ADD2: variants seen among roughly 807,000 people sequenced by gnomAD.
The protein encoded by ADD2 is beta-adducin.
In ADD2, 23 loss-of-function variants were observed where a neutral mutation model predicts 83.0. The observed-to-expected ratio is 0.28, with a 90% CI of 0.20 to 0.39. The LOEUF (loss-of-function observed/expected upper bound fraction) is 0.39. ADD2 is among the 10% of genes least tolerant of loss of function. The pLI is 1.00. For missense variants in ADD2, 758 were observed against 944.9 expected (o/e 0.80, Z 2.59); for synonymous variants, 375 against 375.4 (o/e 1.00, Z 0.01).
chr2:70,697,739 C>T (rs1046278373), intron 4 of ADD2, among the ~76,000 whole-genome samples: 3 of 151,792 alleles, frequency 2.0e-5, no homozygotes, highest in African/African-American at 2.4e-5. Flanking sequence ...AAAGCGAGGG[C>T]GGACGATGTA....
chr2:70,745,061 C>A (rs1417792676), intron 1 of ADD2, among the ~76,000 whole-genome samples: 2 of 151,920 alleles, frequency 1.3e-5, no homozygotes, highest in African/African-American at 4.8e-5. Context: ...CCGAGGCGGG[C>A]GGATCTTGAG....
chr2:70,690,652 T>G, intron 8 of ADD2, 134 bp downstream of exon 8: 1 of 1,014,464 alleles, frequency 9.9e-7, no homozygotes. Context: ...AATCTCAGGG[T>G]AGTGGGATAG....
chr2:70,744,549 C>T (rs1425839625), intron 1 of ADD2, among the ~76,000 whole-genome samples: 1 of 152,068 alleles, frequency 6.6e-6, no homozygotes, highest in Non-Finnish European at 1.5e-5. Flanking sequence ...ATGTAAGGCT[C>T]GAAAGCTAGA....
At chr2:70,735,307 G>A (rs1011588475) in intron 1 of ADD2, among the ~76,000 whole-genome samples, 5 of 152,206 alleles carry the variant, frequency 3.3e-5, no homozygotes, top group Middle Eastern at 3.4e-3. Flanking sequence ...TAAGTGAAAA[G>A]AAAATGACTC....
chr2:70,675,764 C>A (rs1197513212), intron 13 of ADD2: 1 of 985,330 alleles, frequency 1.0e-6, no homozygotes, highest in Non-Finnish European at 1.2e-6. Context: ...TGTAGGGAAT[C>A]ATGGAGTCAA....
At chr2:70,671,264 G>C (rs782743234) in intron 15 of ADD2, among the ~76,000 whole-genome samples, 2 of 152,168 alleles carry the variant, frequency 1.3e-5, no homozygotes, top group Non-Finnish European at 2.9e-5. Context: ...GGGAGTGCCC[G>C]AGAGTTGGCC....
intron 15 of ADD2, among the ~76,000 whole-genome samples, chr2:70,669,024 G>A (rs1266951694): frequency 6.6e-6 from 1 of 152,196 alleles, no homozygotes; most frequent in Non-Finnish European, 1.5e-5. Flanking sequence ...AGAGGTCATA[G>A]AGAGATTCAT....
chr2:70,766,296 T>C (rs747549973), intron 1 of ADD2, among the ~76,000 whole-genome samples: 3 of 152,232 alleles, frequency 2.0e-5, no homozygotes, highest in Non-Finnish European at 4.4e-5. Context: ...TTGTGCCCTA[T>C]GCAGGGAGGA....
intron 1 of ADD2, among the ~76,000 whole-genome samples, chr2:70,727,480 A>T (rs1452597306): frequency 2.0e-5 from 3 of 151,992 alleles, no homozygotes; most frequent in African/African-American, 7.3e-5. Flanking sequence ...ATCTCTGTAG[A>T]TGAGTCAGGA....
intron 9 of ADD2, 139 bp from the exon 10 acceptor site, chr2:70,683,906 G>T: frequency 1.2e-6 from 1 of 833,714 alleles, no homozygotes; most frequent in Non-Finnish European, 1.7e-6. Flanking sequence ...ACCCATACTT[G>T]ATGGGCATGC....
At chr2:70,759,517 G>A (rs1397470102) in intron 1 of ADD2, among the ~76,000 whole-genome samples, 4 of 152,074 alleles carry the variant, frequency 2.6e-5, no homozygotes, top group Non-Finnish European at 5.9e-5. Flanking sequence ...GGAGGTGTTT[G>A]GGTCATGGTG....
chr2:70,658,328 A>G lies in ADD2; in HGVS notation c.*5097T>C, dbSNP rs1553364453. 1 of 152,190 alleles carries G rather than the reference A, an allele frequency of 6.6e-6. No individual in the cohort carries two copies. Among genetic ancestry groups the G allele is most frequent in the African/African-American group, 2.4e-5 (1 of 41,452 alleles). The allele number at this position is 152,190 out of a possible 1,614,324, so 9.4% of individuals were successfully genotyped here. A position where few individuals can be genotyped will look rare whatever the true frequency, so the allele number is the denominator to read the frequency against. ...ACGTGTGGTCTCTCATTTATGACAG[A>G]AAGTGTGCCACATCTGAATAGGTTG... On this transcript the variant is annotated 3_prime_UTR_variant, in exon 16 of 16. Transcript: ENST00000264436.
At chr2:70,730,388 A>C (rs1673221163) in intron 1 of ADD2, among the ~76,000 whole-genome samples, 1 of 152,258 alleles carries the variant, frequency 6.6e-6, no homozygotes. Flanking sequence ...ACACAGATGC[A>C]TGCAAGTTAA....
chr2:70,737,494 A>G (rs1163111293), intron 1 of ADD2, among the ~76,000 whole-genome samples: 3 of 147,080 alleles, frequency 2.0e-5, no homozygotes, highest in Non-Finnish European at 4.5e-5. Context: ...CAAACACTGC[A>G]TGTTCTCACT....
At position 70,721,832 on chromosome 2, in the gene ADD2, T is replaced by C. The variant is rs782533041; in HGVS notation, c.-153-8648A>G. Among the ~76,000 whole-genome samples the C allele has an allele frequency of 3.9e-5, 6 of 152,254 alleles. No individual in the cohort carries two copies. The South Asian group carries it at 8.3e-4, about 21-fold the overall frequency. ...GATTATAAAATGGGTACTCCATTTA[T>C]AGAAAACTTAAAATTCAATCAAACT... On this transcript the variant is annotated intron_variant, in intron 1 of 15. Transcript: ENST00000264436.
intron 15 of ADD2, among the ~76,000 whole-genome samples, chr2:70,669,780 T>C (rs1371697271): frequency 6.6e-6 from 1 of 152,190 alleles, no homozygotes; most frequent in African/African-American, 2.4e-5. Context: ...TATACCACCA[T>C]GTATAAAGTC....
intron 8 of ADD2, among the ~76,000 whole-genome samples, 161 bp downstream of exon 8, chr2:70,690,624 AT>A (rs1172241266): frequency 9.2e-5 from 14 of 152,188 alleles, no homozygotes; most frequent in Admixed American, 8.5e-4. Context: ...ATTTCAATAT[AT>A]TTGGGGTACA....
intron 1 of ADD2, among the ~76,000 whole-genome samples, chr2:70,720,575 C>A (rs918640169): frequency 6.6e-6 from 1 of 152,144 alleles, no homozygotes; most frequent in African/African-American, 2.4e-5. Flanking sequence ...TTTTTCTTCT[C>A]ATTAGTTCTA....
chr2:70,759,818 A>G (rs1371257435), intron 1 of ADD2, among the ~76,000 whole-genome samples: 1 of 152,166 alleles, frequency 6.6e-6, no homozygotes, highest in Non-Finnish European at 1.5e-5. Context: ...CCTTCATAGC[A>G]ACACAGGCAG....
Sources: allele counts gnomAD v4.1 joint callset (sites outside exome capture counted in the v4.1 genomes callset), GRCh38; gene constraint gnomAD v4.1.1; transcripts MANE v1.5; gene names NCBI Gene and HGNC (gene_info 2026-07-23, HGNC 2026-07-21).